Variants in APP observed in about 807,000 individuals in gnomAD.
The protein encoded by APP is amyloid beta precursor protein.
A neutral mutation model predicts 101.4 loss-of-function variants in APP; 31 were observed. The ratio of observed to expected loss-of-function variants is 0.31; its 90% CI spans 0.23 to 0.41. The LOEUF is 0.41. Among genes scored for constraint, APP ranks in the 10% least tolerant of loss-of-function variants. The probability of loss-of-function intolerance (pLI) is 1.00; values close to 1 mark genes in which losing one functional copy is unlikely to be tolerated. For missense variants in APP, 839 were observed against 1,003.7 expected, an observed-to-expected ratio of 0.84 and a Z score of 2.22; for synonymous variants, 366 against 364.4, an observed-to-expected ratio of 1.00 and a Z score of -0.05.
intron 2 of APP, among the ~76,000 whole-genome samples, chr21:26,101,013 C>G (rs919421370): frequency 2.0e-5 from 3 of 152,002 alleles, no homozygotes; most frequent in African/African-American, 7.3e-5. Flanking sequence ...ACCCTAGCCC[C>G]TAGCTCCAAG....
chr21:26,084,937 T>C (rs2061673613), intron 3 of APP, among the ~76,000 whole-genome samples: 1 of 152,260 alleles, frequency 6.6e-6, no homozygotes, highest in African/African-American at 2.4e-5. Context: ...TTTTGACTTT[T>C]TTCTATTATC....
rs372313161 is a variant in APP, at chr21:26,106,095, T to C, written c.225+5884A>G. ...ATAATGCCCATGGGCAGAACAAAGT[T>C]GGGATGCCAAACCAGGACTAACACT... On this transcript the variant is annotated intron_variant, in intron 2 of 17. Transcript: ENST00000346798. 1.1e-3 allele frequency among the ~76,000 whole-genome samples: 162 copies of C among 152,340 alleles called. 1 individual carries two copies. The highest frequency in any genetic ancestry group is 3.8e-3 in the African/African-American group (157 of 41,578).
chr21:26,126,373 C>A (rs1303649157), intron 1 of APP, among the ~76,000 whole-genome samples: 1 of 152,192 alleles, frequency 6.6e-6, no homozygotes, highest in Non-Finnish European at 1.5e-5. Flanking sequence ...ACCAACTGTG[C>A]CCTAATGAAG....
chr21:26,166,900 GAGAGAAAGAGAGAGAA>G (rs1601610550), intron 1 of APP, among the ~76,000 whole-genome samples: 2 of 38,986 alleles, frequency 5.1e-5, no homozygotes, highest in Admixed American at 7.3e-4. Context: ...GAGAGAGAGA[GAGAGAAAGAGAGAGAA>G]AGAGACAGAG....
At chr21:25,971,321 C>T (rs1406087903) in intron 11 of APP, among the ~76,000 whole-genome samples, 1 of 152,214 alleles carries the variant, frequency 6.6e-6, no homozygotes, top group Non-Finnish European at 1.5e-5. Context: ...GCTGGGATTA[C>T]AGGCGTGAGC....
chr21:26,114,644 T>C (rs1568991880), intron 1 of APP, among the ~76,000 whole-genome samples: 1 of 152,186 alleles, frequency 6.6e-6, no homozygotes, highest in Non-Finnish European at 1.5e-5. Context: ...AGGAAAGTTT[T>C]TGGCAAAATA....
At chr21:26,159,368 C>T (rs1232350611) in intron 1 of APP, among the ~76,000 whole-genome samples, 5 of 152,184 alleles carry the variant, frequency 3.3e-5, no homozygotes, top group Admixed American at 1.3e-4. Flanking sequence ...TGTAAGCCAC[C>T]GCACCAGGCC....
intron 5 of APP, among the ~76,000 whole-genome samples, chr21:26,028,578 T>C (rs932529903): frequency 6.6e-5 from 10 of 152,222 alleles, no homozygotes; most frequent in African/African-American, 2.2e-4. Context: ...GGTATTTTTT[T>C]TCTTTAGCCA....
intron 1 of APP, among the ~76,000 whole-genome samples, chr21:26,143,290 T>C (rs995949530): frequency 3.3e-5 from 5 of 152,138 alleles, no homozygotes; most frequent in African/African-American, 4.8e-5. Flanking sequence ...CTAAGTAACA[T>C]AGCAAGACCC....
chr21:26,067,095 A>G (rs1158774428), intron 3 of APP, among the ~76,000 whole-genome samples: 1 of 152,264 alleles, frequency 6.6e-6, no homozygotes, highest in Admixed American at 6.5e-5. Flanking sequence ...GAAATATAAT[A>G]GAGGCCACAT....
chr21:26,141,513 G>A (rs1210204176), intron 1 of APP, among the ~76,000 whole-genome samples: 1 of 152,164 alleles, frequency 6.6e-6, no homozygotes, highest in Non-Finnish European at 1.5e-5. Flanking sequence ...GACAAGAGCT[G>A]ATGCTAAAGG....
chr21:25,881,888 C>T, intron 17 of APP, 117 bp from the exon 18 acceptor site: 1 of 1,018,396 alleles, frequency 9.8e-7, no homozygotes, highest in East Asian at 2.6e-5. Context: ...GATTGCAGAA[C>T]ACCCATAATT....
At chr21:25,979,967 G>GTT (rs1333710053) in intron 9 of APP, among the ~76,000 whole-genome samples, 1 of 152,234 alleles carries the variant, frequency 6.6e-6, no homozygotes, top group Non-Finnish European at 1.5e-5. Flanking sequence ...TAAATGAAAG[G>GTT]TAAGAGCAAT....
intron 1 of APP, among the ~76,000 whole-genome samples, chr21:26,119,918 G>C (rs1281881647): frequency 6.6e-6 from 1 of 152,168 alleles, no homozygotes; most frequent in Non-Finnish European, 1.5e-5. Context: ...GCTTCTACTT[G>C]TTCTGACAGC....
At chr21:26,130,453 C>T (rs563353260) in intron 1 of APP, among the ~76,000 whole-genome samples, 1 of 152,348 alleles carries the variant, frequency 6.6e-6, no homozygotes, top group Admixed American at 6.5e-5. Flanking sequence ...AGGCCACTCT[C>T]CATAAGGAGA....
At chr21:26,049,759 T>A (rs2045759985) in intron 5 of APP, among the ~76,000 whole-genome samples, 1 of 152,150 alleles carries the variant, frequency 6.6e-6, no homozygotes, top group Non-Finnish European at 1.5e-5. Context: ...TCCATCCTGA[T>A]TAGAAAGGCA....
At chr21:26,091,736 A>G (rs1156776883) in intron 2 of APP, among the ~76,000 whole-genome samples, 1 of 152,126 alleles carries the variant, frequency 6.6e-6, no homozygotes, top group Non-Finnish European at 1.5e-5. Context: ...TTTAGGGAAG[A>G]GAAAGGAAGA....
intron 17 of APP, among the ~76,000 whole-genome samples, chr21:25,883,960 C>T (rs1232533390): frequency 1.3e-5 from 2 of 152,080 alleles, no homozygotes; most frequent in Non-Finnish European, 2.9e-5. Flanking sequence ...CTCACTGCAA[C>T]CTCTGCCTCC....
chr21:26,026,856 A>G (rs897421083), intron 5 of APP, among the ~76,000 whole-genome samples: 5 of 152,184 alleles, frequency 3.3e-5, no homozygotes, highest in African/African-American at 1.2e-4. Context: ...TTTGGGTGAT[A>G]ATAATGGTGT....
Sources: allele counts gnomAD v4.1 joint callset (sites outside exome capture counted in the v4.1 genomes callset), GRCh38; gene constraint gnomAD v4.1.1; transcripts MANE v1.5; gene names NCBI Gene and HGNC (gene_info 2026-07-23, HGNC 2026-07-21).